GABRG1: variants seen among roughly 807,000 people sequenced by gnomAD.
GABRG1 encodes gamma-aminobutyric acid type A receptor subunit gamma1, also known as gamma-aminobutyric acid receptor subunit gamma-1.
Under a neutral mutation model 49.8 loss-of-function variants are expected in GABRG1, and 49 were observed. The observed-to-expected ratio is 0.98, with a 90% CI of 0.78 to 1.25. GABRG1 has a LOEUF of 1.25. Ranked by LOEUF, GABRG1 falls within the 50% of genes most tolerant of loss-of-function variation. GABRG1 has a pLI of 0.00. For missense variants in GABRG1, 552 were observed against 552.3 expected (o/e 1.00, Z 0.01); for synonymous variants, 232 against 185.1 (o/e 1.25, Z -2.06).
intron 1 of GABRG1, among the ~76,000 whole-genome samples, chr4:46,113,735 T>C (rs1394907470): frequency 6.6e-6 from 1 of 151,210 alleles, no homozygotes. Context: ...GTTTTATCTC[T>C]AGTTCATGGA....
chr4:46,072,322 T>C (rs1051849392), intron 3 of GABRG1, among the ~76,000 whole-genome samples: 1 of 152,074 alleles, frequency 6.6e-6, no homozygotes, highest in Non-Finnish European at 1.5e-5. Flanking sequence ...ATAATGTGTC[T>C]CTGTCATTAA....
At chr4:46,058,190 A>T (rs41265717) in intron 7 of GABRG1, 27 bp downstream of exon 7, 57,032 of 1,588,888 alleles carry the variant, frequency 0.036, 1,350 homozygotes, top group Non-Finnish European at 0.039. Flanking sequence ...GTTCTATGGC[A>T]TTATAGCATA....
intron 5 of GABRG1, among the ~76,000 whole-genome samples, chr4:46,060,235 C>T (rs1718621793): frequency 6.7e-6 from 1 of 148,770 alleles, no homozygotes; most frequent in African/African-American, 2.5e-5. Context: ...GGGCAACCTC[C>T]CTTTTAGCTT....
intron 3 of GABRG1, among the ~76,000 whole-genome samples, chr4:46,072,017 C>T (rs143496179): frequency 1.3e-5 from 2 of 152,056 alleles, no homozygotes; most frequent in Admixed American, 1.3e-4. Context: ...AGAGCAACTT[C>T]CCTGTCTGCA....
chr4:46,037,848 C>G lies in GABRG1; in HGVS notation c.*3140G>C, dbSNP rs1175403679. ...TAATTTCACATTTATAACTATGGGG[C>G]CCTTGGTGTGAGAGAACTGTAGCCT... is the stretch of plus-strand genomic sequence containing the variant. On this transcript the variant is annotated 3_prime_UTR_variant, in exon 9 of 9. Coordinates refer to ENST00000295452, the MANE Select transcript of GABRG1 (RefSeq NM_173536.4). 6.6e-6 allele frequency: 1 copy of G among 151,446 alleles called. No individual in the cohort carries two copies. The allele number at this position is 151,446 out of a possible 1,614,324, so 9.4% of individuals were successfully genotyped here.
At chr4:46,097,171 CA>C (rs1354846359) in intron 2 of GABRG1, 29 bp downstream of exon 2, 1 of 1,578,238 alleles carries the variant, frequency 6.3e-7, no homozygotes, top group South Asian at 1.2e-5. Context: ...TAATGGTCAT[CA>C]AAATCCCAGA....
At chr4:46,069,933 G>T (rs1719055895) in intron 3 of GABRG1, among the ~76,000 whole-genome samples, 1 of 152,026 alleles carries the variant, frequency 6.6e-6, no homozygotes, top group Admixed American at 6.6e-5. Flanking sequence ...AAACCTGTAA[G>T]ATTTGGAAAT....
chr4:46,109,837 G>T (rs1720664882), intron 1 of GABRG1, among the ~76,000 whole-genome samples: 1 of 150,922 alleles, frequency 6.6e-6, no homozygotes, highest in African/African-American at 2.4e-5. Context: ...AGATCTTCTT[G>T]GTATTGATAT....
chr4:46,058,468 T>G lies in GABRG1; in HGVS notation c.763+17A>C, dbSNP rs541028130. The G allele has an allele frequency of 2.2e-5, 35 of 1,610,320 alleles. No individual in the cohort carries two copies. The East Asian group carries it at 3.8e-4, about 17-fold the overall frequency. ...TTTAATGCTAGCATCATTTCACTAT[T>G]TGAGTATTCTTTTTACCAGAGATCG... is the stretch of plus-strand genomic sequence containing the variant. On this transcript the variant is annotated intron_variant, in intron 6 of 8. Transcript: ENST00000295452.
chr4:46,047,481 T>A (rs1161821674), intron 8 of GABRG1, among the ~76,000 whole-genome samples: 3 of 152,030 alleles, frequency 2.0e-5, no homozygotes, highest in Non-Finnish European at 4.4e-5. Flanking sequence ...TCCTCTCCTC[T>A]CCACAAGGTT....
intron 2 of GABRG1, among the ~76,000 whole-genome samples, chr4:46,090,955 TACACACACACACAC>T (rs61288916): frequency 4.6e-5 from 6 of 131,064 alleles, no homozygotes; most frequent in African/African-American, 1.1e-4. Context: ...CACACACACA[TACACACACACACAC>T]ACACACACAC....
intron 7 of GABRG1, among the ~76,000 whole-genome samples, chr4:46,056,157 A>AAT (rs1718433387): frequency 3.3e-5 from 1 of 30,122 alleles, no homozygotes; most frequent in African/African-American, 3.7e-4. Flanking sequence ...AAATTAAAAA[A>AAT]AAAAAAAAAA....
chr4:46,090,585 A>G (rs1485493528), intron 2 of GABRG1, among the ~76,000 whole-genome samples: 8 of 152,070 alleles, frequency 5.3e-5, no homozygotes, highest in African/African-American at 1.9e-4. Flanking sequence ...GGAGTAAAAC[A>G]GAAATACAGA....
intron 1 of GABRG1, among the ~76,000 whole-genome samples, chr4:46,099,842 A>G (rs1247055896): frequency 6.6e-6 from 1 of 151,684 alleles, no homozygotes; most frequent in Non-Finnish European, 1.5e-5. Flanking sequence ...CAAATGAAGA[A>G]AAACTCTGTG....
At chr4:46,043,651 G>A (rs957006646) in intron 8 of GABRG1, among the ~76,000 whole-genome samples, 4 of 151,556 alleles carry the variant, frequency 2.6e-5, no homozygotes, top group Non-Finnish European at 5.9e-5. Flanking sequence ...CCCCAAAAAA[G>A]CAAACATTAA....
In GABRG1 at chr4:46,123,977, C is replaced by T. The variant is rs1721177447; in HGVS notation, c.-64G>A. On this transcript the variant is annotated 5_prime_UTR_variant, in exon 1 of 9. The change creates a new upstream start codon in the 5' untranslated region. Coordinates refer to ENST00000295452, the MANE Select transcript of GABRG1 (RefSeq NM_173536.4). ...CTCCCAGCCAGGACTTTTCCTCCCA[C>T]CTCAGCAGCAGCTGGCTGAGTACAG... 3 of 1,246,014 alleles carry T rather than the reference C, an allele frequency of 2.4e-6. No individual in the cohort carries two copies. The highest frequency in any genetic ancestry group is 3.5e-6 in the Non-Finnish European group (3 of 852,954). The allele number at this position is 1,246,014 out of a possible 1,614,324, so 77.2% of individuals were successfully genotyped here.
chr4:46,074,772 A>T (rs1419953748), intron 3 of GABRG1, among the ~76,000 whole-genome samples: 1 of 152,098 alleles, frequency 6.6e-6, no homozygotes, highest in East Asian at 1.9e-4. Context: ...GGGATAAGGT[A>T]TTGTCTTTTA....
chr4:46,096,716 G>A (rs976255752), intron 2 of GABRG1, among the ~76,000 whole-genome samples: 4 of 151,670 alleles, frequency 2.6e-5, no homozygotes, highest in South Asian at 2.1e-4. Context: ...TAAAAAAGAC[G>A]TTTAAGCAAG....
intron 2 of GABRG1, among the ~76,000 whole-genome samples, chr4:46,086,941 C>A (rs1719782281): frequency 7.9e-6 from 1 of 126,804 alleles, no homozygotes; most frequent in Non-Finnish European, 1.7e-5. Flanking sequence ...AATGGCTACT[C>A]CATAGGCAGA....
Sources: gnomAD v4.1 joint callset for allele counts (sites outside exome capture counted in the v4.1 genomes callset) on GRCh38, gnomAD v4.1.1 for gene constraint, MANE v1.5 for transcripts, NCBI Gene and HGNC (gene_info 2026-07-23, HGNC 2026-07-21) for gene names.